Variants in DHX57 observed in about 807,000 individuals in gnomAD.
The protein encoded by DHX57 is putative ATP-dependent RNA helicase DHX57.
Under a neutral mutation model 156.2 loss-of-function variants are expected in DHX57, and 105 were observed. That is an observed-to-expected ratio of 0.67 (90% CI 0.57 to 0.79). The LOEUF (loss-of-function observed/expected upper bound fraction) is 0.79. DHX57 is among the 30% of genes least tolerant of loss of function. The pLI is 0.00. For synonymous variants in DHX57, 704 were observed against 595.6 expected (o/e 1.18, Z -2.65); for missense variants, 1,847 against 1,661.9 (o/e 1.11, Z -1.94).
intron 22 of DHX57, among the ~76,000 whole-genome samples, chr2:38,803,314 C>T (rs908052177): frequency 2.0e-5 from 3 of 151,754 alleles, no homozygotes; most frequent in African/African-American, 7.3e-5. Context: ...TTGCAGTGTT[C>T]CCTATCTCAG....
Position 38,863,513 on chromosome 2 carries a change from G to C in DHX57, c.231C>G (p.Ser77Arg). 1 of 1,613,208 alleles carries C rather than the reference G, an allele frequency of 6.2e-7. No homozygotes were observed. The highest frequency in any genetic ancestry group is 1.1e-5 in the South Asian group (1 of 90,934). Residue 77 changes from serine to arginine, a missense_variant, in exon 3 of 24, where the codon AGC becomes AGG. Coordinates refer to ENST00000457308, the MANE Select transcript of DHX57 (RefSeq NM_198963.3). ...ACTCTCCTTTGCTTATGTTACTGTT[G>C]CTAGGTCTATAGAGAACAAAAGAGC... Reference protein sequence around the residue: ...FSESRRPSRPSNSNISKGESR... With the variant: ...FSESRRPSRPRNSNISKGESR...
At chr2:38,799,822 G>A (rs1331169440) in intron 23 of DHX57, among the ~76,000 whole-genome samples, 1 of 149,806 alleles carries the variant, frequency 6.7e-6, no homozygotes, top group Non-Finnish European at 1.5e-5. Context: ...TTGGGAGGCC[G>A]AGGTGGGCGG....
rs564265206 is a variant in DHX57, at chr2:38,842,079, T to C, written c.2425+926A>G. Among the ~76,000 whole-genome samples the C allele has an allele frequency of 2.0e-5, 3 of 152,276 alleles. No individual in the cohort carries two copies. In the East Asian group the frequency reaches 5.8e-4, roughly 29 times the overall value. The stretch of plus-strand genomic sequence containing the variant: ...CTTTACCAAGTGAACAAGTTAACAT[T>C]GCCAATAATGGGACAAGCCAACACC... On this transcript the variant is annotated intron_variant, in intron 12 of 23. Transcript: ENST00000457308.
chr2:38,807,945 CTTTTTTTTTTTTT>C (rs34221239), intron 21 of DHX57, among the ~76,000 whole-genome samples: 2 of 54,228 alleles, frequency 3.7e-5, no homozygotes, highest in Non-Finnish European at 7.1e-5. Context: ...TGTGTCTTGC[CTTTTTTTTTTTTT>C]TTTTTTTTTT....
chr2:38,828,277 G>C, intron 14 of DHX57, 63 bp downstream of exon 14: 1 of 1,275,450 alleles, frequency 7.8e-7, no homozygotes, highest in South Asian at 1.3e-5. Context: ...TCTAAAGAGG[G>C]TGATGATATC....
intron 13 of DHX57, among the ~76,000 whole-genome samples, chr2:38,830,301 T>C (rs1485599806): frequency 6.6e-6 from 1 of 152,162 alleles, no homozygotes; most frequent in Non-Finnish European, 1.5e-5. Flanking sequence ...TCACATATAT[T>C]ATCCCATTTA....
chr2:38,858,742 C>T lies in DHX57; in HGVS notation c.1506G>A (p.Lys502=). 1 of 1,614,078 alleles carries T rather than the reference C, an allele frequency of 6.2e-7. No homozygotes were observed. The highest frequency in any genetic ancestry group is 8.5e-7 in the Non-Finnish European group (1 of 1,179,996). Residue 502 remains lysine, a synonymous_variant, in exon 6 of 24, where the codon AAG becomes AAA. Transcript: ENST00000457308. ...ENESYVNLKK[K]ISKRYDWQAK... ...CCTGCCAGTCATATCTTTTGGAAATCTTTTTCTTAAGGTTCACATAGCTTT... is the reference window on the plus strand; with the variant it reads ...CCTGCCAGTCATATCTTTTGGAAATTTTTTTCTTAAGGTTCACATAGCTTT...
Position 38,828,352 on chromosome 2 carries a change from C to G in DHX57, c.2627G>C (p.Arg876Thr). The change falls in exon 14 of 24, where the codon AGA (arginine) becomes ACA (threonine). Residue 876 changes from arginine (R) to threonine (T), a missense_variant. By Grantham distance (71) the Arg-to-Thr change is moderately conservative (BLOSUM62 -1). Transcript: ENST00000457308. ...GCAATTAGCTTACCGATTACTACGT[C>G]TGTTGTTGAAAAGAGAATTAGACTG... ...QLQSNSLFNN[R>T]RSNRCVIHPL... 6.2e-7 allele frequency: 1 copy of G among 1,611,720 alleles called. No individual in the cohort carries two copies. Among genetic ancestry groups the G allele is most frequent in the African/African-American group, 1.3e-5 (1 of 74,914 alleles).
Position 38,839,079 on chromosome 2 carries a change from G to A in DHX57, c.2426-1132C>T, listed in dbSNP as rs373363175. Among the ~76,000 whole-genome samples the A allele has an allele frequency of 8.6e-5, 13 of 151,850 alleles. No individual in the cohort carries two copies. In the East Asian group the frequency reaches 1.4e-3, roughly 16 times the overall value. The stretch of plus-strand genomic sequence containing the variant: ...CCTGAGTAGCTGGGATTACAGGCAC[G>A]TAGTACCACGGCCAGCTAATTTTTG... On this transcript the variant is annotated intron_variant, in intron 12 of 23. Coordinates refer to ENST00000457308, the MANE Select transcript of DHX57 (RefSeq NM_198963.3).
Position 38,848,274 on chromosome 2 carries a change from A to G in DHX57, c.2159T>C (p.Ile720Thr), listed in dbSNP as rs1302950958. 3 of 1,592,786 alleles carry G rather than the reference A, an allele frequency of 1.9e-6. No homozygotes were observed. The South Asian group carries it at 3.5e-5, about 18-fold the overall frequency. The change falls in exon 10 of 24, where the codon ATA becomes ACA. Residue 720 changes from isoleucine to threonine, a missense_variant. Physicochemically the swap from Ile to Thr is moderately conservative, Grantham distance 89 (BLOSUM62 -1). Transcript: ENST00000457308. ...TAATGATGCATTTTATTCACCTGGT[A>G]TAGTAATAACGGGGCAGGAATTAAA... ...DYFNSCPVIT[I>T]PGRTFPVDQF...
intron 19 of DHX57, among the ~76,000 whole-genome samples, chr2:38,816,350 G>A (rs546042878): frequency 3.9e-5 from 6 of 152,124 alleles, no homozygotes; most frequent in South Asian, 2.1e-4. Flanking sequence ...GAGTAGCTGG[G>A]GCTACAGGTG....
chr2:38,825,064 T>TA (rs771623454), intron 16 of DHX57, among the ~76,000 whole-genome samples: 18 of 151,360 alleles, frequency 1.2e-4, no homozygotes, highest in South Asian at 2.1e-4. Flanking sequence ...GTTCTCATTT[T>TA]AAAAAAAAAC....
Position 38,848,258 on chromosome 2 carries a change from AT to A in DHX57, c.2164+10del. 6.4e-7 allele frequency: 1 copy of A among 1,572,776 alleles called. No individual in the cohort carries two copies. The highest frequency in any genetic ancestry group is 1.2e-5 in the South Asian group (1 of 83,782). On this transcript the variant is annotated intron_variant, in intron 10 of 23. Coordinates refer to ENST00000457308, the MANE Select transcript of DHX57 (RefSeq NM_198963.3). Reference sequence around the variant, plus strand: ...TAGAATGATACATATTTAATGATGCATTTTATTCACCTGGTATAGTAATAAC... The same window carrying A: ...TAGAATGATACATATTTAATGATGCATTTATTCACCTGGTATAGTAATAAC...
Position 38,826,542 on chromosome 2 carries a change from G to A in DHX57, c.2787C>T (p.Ile929=), listed in dbSNP as rs779273882. The A allele has an allele frequency of 3.1e-6, 5 of 1,613,668 alleles. No individual in the cohort carries two copies. Among genetic ancestry groups the A allele is most frequent in the African/African-American group, 1.3e-5 (1 of 74,838 alleles). ...TCTTTTCTTTCATTTTCCCAGAATC[G>A]ATAACATAGACAACATCATCGATGG... The part of the protein sequence containing the change: ...SITIDDVVYV[I]DSGKMKEKRY... Residue 929 remains isoleucine (I), a synonymous_variant, in exon 15 of 24, where the codon ATC becomes ATT. Coordinates refer to ENST00000457308, the MANE Select transcript of DHX57 (RefSeq NM_198963.3).
intron 13 of DHX57, among the ~76,000 whole-genome samples, chr2:38,834,933 A>T (rs2124847237): frequency 6.6e-6 from 1 of 152,330 alleles, no homozygotes; most frequent in Non-Finnish European, 1.5e-5. Flanking sequence ...AGATTGCTAT[A>T]AGGCATACCT....
chr2:38,818,259 T>A (rs562034935), intron 19 of DHX57, among the ~76,000 whole-genome samples: 2 of 151,980 alleles, frequency 1.3e-5, no homozygotes, highest in African/African-American at 4.8e-5. Context: ...CGGTGTGGTG[T>A]CTCACACCTG....
intron 21 of DHX57, chr2:38,810,969 G>T (rs1484664786): frequency 1.7e-5 from 14 of 826,888 alleles, no homozygotes; most frequent in African/African-American, 5.1e-5. Flanking sequence ...CCTTGATGCT[G>T]GTCACCTTCA....
intron 12 of DHX57, among the ~76,000 whole-genome samples, chr2:38,842,102 ACCACGGGG>A (rs1297192308): frequency 6.6e-6 from 1 of 152,212 alleles, no homozygotes; most frequent in African/African-American, 2.4e-5. Context: ...ACAAGCCAAC[ACCACGGGG>A]CCCATGTGCC....
At chr2:38,861,872 A>G (rs1413761889) in intron 4 of DHX57, 35 bp from the exon 5 acceptor site, 14 of 1,540,504 alleles carry the variant, frequency 9.1e-6, no homozygotes, top group Non-Finnish European at 1.1e-5. Context: ...AATGACACAT[A>G]AAAAGCAGTA....
Sources: allele counts gnomAD v4.1 joint callset (sites outside exome capture counted in the v4.1 genomes callset), GRCh38; gene constraint gnomAD v4.1.1; transcripts MANE v1.5; gene names NCBI Gene and HGNC (gene_info 2026-07-23, HGNC 2026-07-21).